The following ZNF273 variants were observed in gnomAD, a reference collection of about 807,000 sequenced individuals.
The protein encoded by ZNF273 is zinc finger protein 9.
Under a neutral mutation model 14.9 loss-of-function variants are expected in ZNF273, and 11 were observed. The ratio of observed to expected loss-of-function variants is 0.74; its 90% CI spans 0.46 to 1.22. The LOEUF (loss-of-function observed/expected upper bound fraction) is 1.22. Among genes scored for constraint, ZNF273 ranks in the 50% most tolerant of loss-of-function variants. ZNF273 has a pLI of 0.00. For synonymous variants in ZNF273, 199 were observed against 223.9 expected (o/e 0.89, Z 0.99); for missense variants, 577 against 660.6 (o/e 0.87, Z 1.39).
At chr7:64,921,795 AATTTTTGT>A (rs1456709903) in intron 3 of ZNF273, among the ~76,000 whole-genome samples, 3 of 151,324 alleles carry the variant, frequency 2.0e-5, no homozygotes, top group Non-Finnish European at 2.9e-5. Context: ...ATGCCTGGCT[AATTTTTGT>A]ATTTTTGTAG....
chr7:64,925,925 T>G (rs987196243), intron 3 of ZNF273, among the ~76,000 whole-genome samples: 8 of 151,652 alleles, frequency 5.3e-5, no homozygotes, highest in Non-Finnish European at 7.4e-5. Flanking sequence ...ATAGTATTTT[T>G]GTGTATGTGC....
intron 3 of ZNF273, among the ~76,000 whole-genome samples, chr7:64,923,232 A>G (rs1026947957): frequency 6.6e-6 from 1 of 152,114 alleles, no homozygotes; most frequent in Non-Finnish European, 1.5e-5. Flanking sequence ...TTTATTTTGC[A>G]TAATGTCATC....
At chr7:64,894,452 T>A (rs1792240939), downstream of ZNF273, among the ~76,000 whole-genome samples, 1 of 152,234 alleles carries the variant, frequency 6.6e-6, no homozygotes, top group Non-Finnish European at 1.5e-5. Context: ...TACAGATTAC[T>A]GTAGGGTTCA....
chr7:64,926,073 AT>A (rs1562965060), intron 3 of ZNF273, among the ~76,000 whole-genome samples: 1 of 127,532 alleles, frequency 7.8e-6, no homozygotes, highest in Non-Finnish European at 1.7e-5. Flanking sequence ...CTTTTTCAGG[AT>A]TTGGTTATTT....
chr7:64,909,388 C>G lies in ZNF273; in HGVS notation c.102+5969C>G, dbSNP rs1361078210. ...TACAGGCATGCACCACCATGCCTGG[C>G]TAATTTGTTTTGTATTTTTTAGTAG... On this transcript the variant is annotated intron_variant, in intron 1 of 3. Coordinates refer to ENST00000476120, the MANE Select transcript of ZNF273 (RefSeq NM_021148.3). Among the ~76,000 whole-genome samples the G allele has an allele frequency of 3.3e-5, 5 of 152,184 alleles. No homozygotes were observed. The South Asian group carries it at 1.0e-3, about 32-fold the overall frequency.
At chr7:64,894,931 C>A (rs1230185955) in intron 3 of ZNF273, among the ~76,000 whole-genome samples, 1 of 151,408 alleles carries the variant, frequency 6.6e-6, no homozygotes, top group Non-Finnish European at 1.5e-5. Flanking sequence ...AGTTCAAGAC[C>A]AGCCTGGCCA....
chr7:64,900,351 C>T (rs1466417343), upstream of ZNF273, among the ~76,000 whole-genome samples: 1 of 152,106 alleles, frequency 6.6e-6, no homozygotes, highest in Admixed American at 6.5e-5. Context: ...GTTTCAAACT[C>T]CTGGGCTCAA....
At chr7:64,916,086 C>G (rs1474811854) in intron 1 of ZNF273, among the ~76,000 whole-genome samples, 1 of 151,836 alleles carries the variant, frequency 6.6e-6, no homozygotes, top group Non-Finnish European at 1.5e-5. Context: ...GTCCCAGCTA[C>G]TAGGGAGACT....
At chr7:64,880,509 T>G (rs1583946680), downstream of ZNF273, among the ~76,000 whole-genome samples, 1 of 151,872 alleles carries the variant, frequency 6.6e-6, no homozygotes, top group Admixed American at 6.6e-5. Flanking sequence ...GGCGGCTGTG[T>G]GTGTGTGTGT....
rs1794920077 is a variant in ZNF273, at chr7:64,929,323, A to C, written c.*285A>C. 4.8e-6 allele frequency: 1 copy of C among 206,314 alleles called. No homozygotes were observed. 12.8% of individuals were successfully genotyped at this position (206,314 alleles called of 1,614,324 possible). A position where few individuals can be genotyped will look rare whatever the true frequency, so the allele number is the denominator to read the frequency against. ...GTGCAGCAGAGTATTTATTTTGAAGAGAAACATTAAAAGTACAAAGAGGTT... is the reference window on the plus strand; with the variant it reads ...GTGCAGCAGAGTATTTATTTTGAAGCGAAACATTAAAAGTACAAAGAGGTT... On this transcript the variant is annotated 3_prime_UTR_variant, in exon 4 of 4. Transcript: ENST00000476120.
Position 64,930,381 on chromosome 7 carries a change from T to G in ZNF273, c.*1343T>G, listed in dbSNP as rs1794963169. On this transcript the variant is annotated 3_prime_UTR_variant, in exon 4 of 4. Coordinates refer to ENST00000476120, the MANE Select transcript of ZNF273 (RefSeq NM_021148.3). ...TATTGAGTGATGCATGAGGTAGGTGTTCAGAGTAATATTCTGCATTATAGT... is the reference window on the plus strand; with the variant it reads ...TATTGAGTGATGCATGAGGTAGGTGGTCAGAGTAATATTCTGCATTATAGT... The G allele has an allele frequency of 1.3e-5, 2 of 152,212 alleles. No homozygotes were observed. The highest frequency in any genetic ancestry group is 4.1e-4 in the South Asian group (2 of 4,834). 9.4% of individuals were successfully genotyped at this position (152,212 alleles called of 1,614,324 possible). A position where few individuals can be genotyped will look rare whatever the true frequency, so the allele number is the denominator to read the frequency against.
chr7:64,886,349 A>C (rs1263509075), intron 1 of ZNF273, among the ~76,000 whole-genome samples: 1 of 152,226 alleles, frequency 6.6e-6, no homozygotes, highest in African/African-American at 2.4e-5. Context: ...GTCAGGATGC[A>C]GAATGGAGCT....
Position 64,914,862 on chromosome 7 carries a change from A to T in ZNF273, c.103-2719A>T, listed in dbSNP as rs35408671. Among the ~76,000 whole-genome samples the T allele has an allele frequency of 4.0e-5, 6 of 150,584 alleles. No individual in the cohort carries two copies. The South Asian group carries it at 8.4e-4, about 21-fold the overall frequency. On this transcript the variant is annotated intron_variant, in intron 1 of 3. Transcript: ENST00000476120. Reference sequence around the variant, plus strand: ...ATTCTCAAGATGCAGGTGTGTAATTAGTCCAGAGACTCTCATCTGAGAAGG... The same window carrying T: ...ATTCTCAAGATGCAGGTGTGTAATTTGTCCAGAGACTCTCATCTGAGAAGG...
At chr7:64,898,692 C>A (rs1330881806), upstream of ZNF273, among the ~76,000 whole-genome samples, 5 of 152,190 alleles carry the variant, frequency 3.3e-5, no homozygotes, top group African/African-American at 1.2e-4. Context: ...CCTCTGAACA[C>A]AGCATTCTCA....
intron 1 of ZNF273, among the ~76,000 whole-genome samples, chr7:64,909,216 A>G (rs1309506267): frequency 1.4e-5 from 2 of 147,630 alleles, no homozygotes; most frequent in Admixed American, 6.8e-5. Context: ...TGCACCCAAC[A>G]ATATGTTTTC....
At chr7:64,882,810 C>T (rs1017851760), downstream of ZNF273, 1 of 152,274 alleles carries the variant, frequency 6.6e-6, no homozygotes, top group Non-Finnish European at 1.5e-5. Flanking sequence ...ACGTTGCCCC[C>T]CTGTGATTTC....
At chr7:64,910,703 A>G (rs1296725926) in intron 1 of ZNF273, among the ~76,000 whole-genome samples, 1 of 148,534 alleles carries the variant, frequency 6.7e-6, no homozygotes, top group African/African-American at 2.5e-5. Flanking sequence ...ATTTTAAAAT[A>G]GTTTTTTTTT....
At position 64,912,846 on chromosome 7, in the gene ZNF273, T is replaced by TTTTTTTTG. The variant is rs1562959220; in HGVS notation, c.103-4735_103-4734insTTTTTTTG. ...TTTTAGTTTTTTTTTTTTTTTTTTT[T>TTTTTTTTG]GAGATTGAGTTTCGCTCTGTCATCC... On this transcript the variant is annotated intron_variant, in intron 1 of 3. Coordinates refer to ENST00000476120, the MANE Select transcript of ZNF273 (RefSeq NM_021148.3). Among the ~76,000 whole-genome samples, 65 of 98,270 alleles carry TTTTTTTTG rather than the reference T, an allele frequency of 6.6e-4. 10 individuals are homozygous for TTTTTTTTG. Among genetic ancestry groups the TTTTTTTTG allele is most frequent in the South Asian group, 3.0e-3 (9 of 2,984 alleles). 64.5% of individuals were successfully genotyped at this position (98,270 alleles called of 152,430 possible).
At chr7:64,920,946 G>T (rs373283168) in intron 3 of ZNF273, among the ~76,000 whole-genome samples, 1 of 151,950 alleles carries the variant, frequency 6.6e-6, no homozygotes, top group African/African-American at 2.4e-5. Flanking sequence ...TGTTGTGAGG[G>T]GATAAATGAA....
Sources: allele counts gnomAD v4.1 joint callset (sites outside exome capture counted in the v4.1 genomes callset), GRCh38; gene constraint gnomAD v4.1.1; transcripts MANE v1.5; gene names NCBI Gene and HGNC (gene_info 2026-07-23, HGNC 2026-07-21).